Variants in SMAD6 observed in about 807,000 individuals in gnomAD.
SMAD6 encodes MAD homolog 6.
SMAD6 carries 103 observed loss-of-function variants against 39.4 expected under a neutral mutation model. The ratio of observed to expected loss-of-function variants is 2.62; its 90% confidence interval spans 2.23 to 3.08. SMAD6 has a LOEUF of 3.08. Ranked by LOEUF, SMAD6 falls within the 30% of genes most tolerant of loss-of-function variation. SMAD6 has a pLI of 0.00. For synonymous variants in SMAD6, 445 were observed against 353.3 expected, an observed-to-expected ratio of 1.26 and a Z score of -2.91; for missense variants, 1,104 against 742.9, an observed-to-expected ratio of 1.49 and a Z score of -5.65.
At chr15:66,752,510 G>A (rs1362688260) in intron 3 of SMAD6, among the ~76,000 whole-genome samples, 1 of 152,202 alleles carries the variant, frequency 6.6e-6, no homozygotes, top group African/African-American at 2.4e-5. Flanking sequence ...ATAGGGCTGG[G>A]TGCAGTGGCT....
intron 1 of SMAD6, among the ~76,000 whole-genome samples, chr15:66,710,774 A>G (rs993699037): frequency 1.6e-5 from 2 of 128,032 alleles, no homozygotes; most frequent in African/African-American, 5.7e-5. Flanking sequence ...AAGGAGAAGT[A>G]TTTTAGGCAA....
At chr15:66,746,718 T>G (rs1893915680) in intron 3 of SMAD6, among the ~76,000 whole-genome samples, 1 of 152,192 alleles carries the variant, frequency 6.6e-6, no homozygotes, top group South Asian at 2.1e-4. Context: ...TTTGTGTCCC[T>G]GGTGGGCACG....
At chr15:66,744,633 G>A (rs992562788) in intron 3 of SMAD6, among the ~76,000 whole-genome samples, 2 of 152,242 alleles carry the variant, frequency 1.3e-5, no homozygotes, top group African/African-American at 4.8e-5. Flanking sequence ...CTTGTTCATG[G>A]CTGGCTACAC....
intron 3 of SMAD6, among the ~76,000 whole-genome samples, chr15:66,746,838 G>T (rs1893917410): frequency 6.6e-6 from 1 of 152,170 alleles, no homozygotes; most frequent in African/African-American, 2.4e-5. Context: ...TGACCCACAA[G>T]TGAATCCAGC....
At chr15:66,737,337 G>A (rs1012551808) in intron 3 of SMAD6, among the ~76,000 whole-genome samples, 8 of 152,134 alleles carry the variant, frequency 5.3e-5, no homozygotes, top group African/African-American at 1.7e-4. Flanking sequence ...CCTCTCTCTG[G>A]AGCCTGACCC....
intron 3 of SMAD6, among the ~76,000 whole-genome samples, chr15:66,757,628 G>C (rs1215752233): frequency 6.6e-6 from 1 of 152,176 alleles, no homozygotes; most frequent in African/African-American, 2.4e-5. Context: ...TGGAGGTCCT[G>C]CTTAGCTCTG....
intron 3 of SMAD6, among the ~76,000 whole-genome samples, chr15:66,767,642 G>A (rs1039543359): frequency 2.6e-5 from 4 of 152,290 alleles, no homozygotes; most frequent in Admixed American, 6.5e-5. Flanking sequence ...TGTTGGGAAC[G>A]CTTAAGTCTC....
intron 3 of SMAD6, among the ~76,000 whole-genome samples, chr15:66,755,276 G>T (rs886447976): frequency 1.3e-5 from 2 of 152,192 alleles, no homozygotes; most frequent in African/African-American, 4.8e-5. Flanking sequence ...TTGTTCACAG[G>T]ACGGTGCCAG....
At chr15:66,761,230 C>G (rs1045888194) in intron 3 of SMAD6, among the ~76,000 whole-genome samples, 1 of 152,130 alleles carries the variant, frequency 6.6e-6, no homozygotes, top group Non-Finnish European at 1.5e-5. Flanking sequence ...TCCCTCCTGC[C>G]CCACCCCCAG....
At chr15:66,767,163 C>T (rs1894302421) in intron 3 of SMAD6, among the ~76,000 whole-genome samples, 1 of 152,172 alleles carries the variant, frequency 6.6e-6, no homozygotes, top group African/African-American at 2.4e-5. Flanking sequence ...GGGTAGTCAC[C>T]AAACCTCTGT....
intron 3 of SMAD6, among the ~76,000 whole-genome samples, chr15:66,721,132 A>G (rs1893424195): frequency 6.6e-6 from 1 of 152,126 alleles, no homozygotes; most frequent in South Asian, 2.1e-4. Flanking sequence ...ACAGAGGCTC[A>G]GGGAGGTTGG....
Position 66,703,369 on chromosome 15 carries a change from G to A in SMAD6, c.111G>A (p.Gly37=). 6.8e-7 allele frequency: 1 copy of A among 1,466,726 alleles called. No individual in the cohort carries two copies. The highest frequency in any genetic ancestry group is 9.0e-7 in the Non-Finnish European group (1 of 1,108,980). The allele number at this position is 1,466,726 out of a possible 1,614,324, so 90.9% of individuals were successfully genotyped here. Residue 37 remains glycine, a synonymous_variant, in exon 1 of 4, where the codon GGG becomes GGA. Coordinates refer to ENST00000288840, the MANE Select transcript of SMAD6 (RefSeq NM_005585.5). ...GCGGCGGTGGCGGCGACGAGGATGGGAGCTTGGGCAGCCGAGCTGAGCCGG... is the reference window on the plus strand; with the variant it reads ...GCGGCGGTGGCGGCGACGAGGATGGAAGCTTGGGCAGCCGAGCTGAGCCGG... The part of the protein sequence containing the change: ...SGGGGGGDED[G]SLGSRAEPAP...
chr15:66,729,804 CAG>C (rs1893592965), intron 3 of SMAD6, among the ~76,000 whole-genome samples: 1 of 152,172 alleles, frequency 6.6e-6, no homozygotes, highest in Non-Finnish European at 1.5e-5. Flanking sequence ...GCCGTGCACA[CAG>C]CGACATTGAA....
At chr15:66,714,897 A>G (rs551034923) in intron 2 of SMAD6, among the ~76,000 whole-genome samples, 1 of 152,298 alleles carries the variant, frequency 6.6e-6, no homozygotes, top group African/African-American at 2.4e-5. Flanking sequence ...CAGTTCACTA[A>G]GAAATAGGAC....
At chr15:66,719,381 C>T (rs1179928000) in intron 3 of SMAD6, among the ~76,000 whole-genome samples, 5 of 152,184 alleles carry the variant, frequency 3.3e-5, no homozygotes, top group Admixed American at 6.5e-5. Flanking sequence ...GGGTGCAGGG[C>T]GGCTCCGTGC....
intron 3 of SMAD6, among the ~76,000 whole-genome samples, chr15:66,756,267 TA>T (rs1894097754): frequency 6.6e-6 from 1 of 152,048 alleles, no homozygotes; most frequent in African/African-American, 2.4e-5. Context: ...GGTTTTATTT[TA>T]TTTTTTTCCT....
chr15:66,769,022 C>T (rs1259502636), intron 3 of SMAD6, among the ~76,000 whole-genome samples: 3 of 152,262 alleles, frequency 2.0e-5, no homozygotes, highest in East Asian at 3.9e-4. Context: ...GGAAGGCTTT[C>T]CAAAGGAAGT....
intron 3 of SMAD6, 151 bp downstream of exon 3, chr15:66,716,649 C>T (rs1893336252): frequency 2.9e-6 from 2 of 686,250 alleles, no homozygotes; most frequent in East Asian, 5.3e-5. Context: ...GCCAATGTTT[C>T]AGTCCCTGGT....
chr15:66,733,868 C>T (rs1893670545), intron 3 of SMAD6, among the ~76,000 whole-genome samples: 1 of 152,216 alleles, frequency 6.6e-6, no homozygotes, highest in Non-Finnish European at 1.5e-5. Flanking sequence ...CACTGATGTT[C>T]ACATAAACTG....
Sources: allele counts gnomAD v4.1 joint callset (sites outside exome capture counted in the v4.1 genomes callset), GRCh38; gene constraint gnomAD v4.1.1; transcripts MANE v1.5; gene names NCBI Gene and HGNC (gene_info 2026-07-23, HGNC 2026-07-21).